Variants in MYH11 observed in about 807,000 individuals in gnomAD.
MYH11 encodes the protein myosin heavy chain 11.
In MYH11, 80 loss-of-function variants were observed where a neutral mutation model predicts 246.6. That is an observed-to-expected ratio of 0.32 (90% CI 0.27 to 0.39). The LOEUF is 0.39. Ranked by LOEUF, MYH11 falls within the 10% of genes least tolerant of loss-of-function variation. The pLI is 1.00. For synonymous variants in MYH11, 1,071 were observed against 1,015.5 expected, an observed-to-expected ratio of 1.05 and a Z score of -1.04; for missense variants, 2,158 against 2,546.8, an observed-to-expected ratio of 0.85 and a Z score of 3.29.
chr16:15,800,152 G>C (rs2042846696), intron 3 of MYH11, among the ~76,000 whole-genome samples: 1 of 151,392 alleles, frequency 6.6e-6, no homozygotes, highest in Admixed American at 6.6e-5. Context: ...AGATGGATGG[G>C]AGGATGGAAG....
chr16:15,716,059 C>T (rs1423114661), intron 38 of MYH11, among the ~76,000 whole-genome samples: 1 of 152,032 alleles, frequency 6.6e-6, no homozygotes, highest in African/African-American at 2.4e-5. Flanking sequence ...TGAGATCGCA[C>T]CACTGCACAC....
intron 3 of MYH11, among the ~76,000 whole-genome samples, chr16:15,799,850 A>G (rs996923949): frequency 6.6e-6 from 1 of 152,194 alleles, no homozygotes; most frequent in Admixed American, 6.5e-5. Context: ...TTGGTTTTAC[A>G]TTGTATCTCT....
In MYH11 at chr16:15,838,102, T is replaced by C. The variant is rs2043951986; in HGVS notation, c.151A>G (p.Lys51Glu). The change falls in exon 2 of 41, where the codon AAG (lysine) becomes GAG (glutamate). Residue 51 changes from lysine (K) to glutamate (E), a missense_variant. Around this residue, in one of 11 missense-constraint regions of MYH11, gnomAD observed 96 missense variants for 91.9 expected, o/e 1.04. Coordinates refer to ENST00000300036, the MANE Select transcript of MYH11 (RefSeq NM_002474.3). Reference protein sequence around the residue: ...EKQGFEAASIKEEKGDEVVVE... With the variant: ...EKQGFEAASIEEEKGDEVVVE... ...ACCACCTCATCCCCCTTCTCCTCCTTAATGCTGGCTGCCTCGAAGCCCTGC... is the reference window on the plus strand; with the variant it reads ...ACCACCTCATCCCCCTTCTCCTCCTCAATGCTGGCTGCCTCGAAGCCCTGC... 1.9e-6 allele frequency: 3 copies of C among 1,614,050 alleles called. No individual in the cohort carries two copies. Among genetic ancestry groups the C allele is most frequent in the Admixed American group, 1.7e-5 (1 of 60,002 alleles).
intron 6 of MYH11, among the ~76,000 whole-genome samples, chr16:15,781,694 G>A: frequency 6.6e-6 from 1 of 152,190 alleles, no homozygotes; most frequent in South Asian, 2.1e-4. Context: ...GAGTGTGCAT[G>A]GGAAGGTAGT....
chr16:15,719,367 T>C (rs2040345392), intron 35 of MYH11, 59 bp from the exon 36 acceptor site: 1 of 1,572,050 alleles, frequency 6.4e-7, no homozygotes, highest in African/African-American at 1.4e-5. Context: ...CCACCAAGAG[T>C]CCACCCTGAC....
rs1180951826 is a variant in MYH11, at chr16:15,703,963, G to C, written c.*28C>G. Reference sequence around the variant, plus strand: ...GTTTGTTTTGGTTTTTGGTTTTCTTGCCGTGGTGCAAAACTGTAGAAAGTT... The same window carrying C: ...GTTTGTTTTGGTTTTTGGTTTTCTTCCCGTGGTGCAAAACTGTAGAAAGTT... On this transcript the variant is annotated 3_prime_UTR_variant, in exon 41 of 41. Transcript: ENST00000300036. The C allele has an allele frequency of 1.2e-6, 2 of 1,613,400 alleles. No homozygotes were observed. Among genetic ancestry groups the C allele is most frequent in the Non-Finnish European group, 1.7e-6 (2 of 1,179,714 alleles).
chr16:15,798,314 GT>G (rs2042792189), intron 4 of MYH11, among the ~76,000 whole-genome samples: 1 of 152,162 alleles, frequency 6.6e-6, no homozygotes, highest in African/African-American at 2.4e-5. Flanking sequence ...ACAGATGGCT[GT>G]TATGCAATTA....
chr16:15,716,205 T>C (rs779343123), intron 38 of MYH11, among the ~76,000 whole-genome samples: 3 of 152,134 alleles, frequency 2.0e-5, no homozygotes, highest in Admixed American at 6.6e-5. Flanking sequence ...AGTGCCGGGA[T>C]TATGGGCATG....
chr16:15,829,316 C>T (rs760849161), intron 2 of MYH11, among the ~76,000 whole-genome samples: 15 of 152,192 alleles, frequency 9.9e-5, no homozygotes, highest in South Asian at 8.3e-4. Context: ...CTCCCAGTGC[C>T]GTGCACACAA....
intron 6 of MYH11, among the ~76,000 whole-genome samples, chr16:15,779,857 G>C (rs922504757): frequency 6.6e-6 from 1 of 152,238 alleles, no homozygotes; most frequent in African/African-American, 2.4e-5. Context: ...CAACAGGTGA[G>C]ACAGGATTTC....
intron 3 of MYH11, among the ~76,000 whole-genome samples, chr16:15,802,444 T>C (rs937977296): frequency 1.3e-5 from 2 of 152,244 alleles, no homozygotes; most frequent in African/African-American, 4.8e-5. Flanking sequence ...CAGACTGCGA[T>C]GTTATTGACT....
chr16:15,822,000 C>T (rs1201473486), intron 3 of MYH11, among the ~76,000 whole-genome samples: 2 of 152,178 alleles, frequency 1.3e-5, no homozygotes, highest in Admixed American at 6.5e-5. Flanking sequence ...CCAAGATTGC[C>T]TTTGCAAGGC....
chr16:15,813,957 C>G (rs187281196), intron 3 of MYH11, among the ~76,000 whole-genome samples: 2 of 150,914 alleles, frequency 1.3e-5, no homozygotes, highest in Non-Finnish European at 3.0e-5. Flanking sequence ...GAGCTCGAGA[C>G]GAGCCTGGCC....
rs151226785 is a variant in MYH11 at position 15,819,662 on chromosome 16, A to G, written c.502+3593T>C. On this transcript the variant is annotated intron_variant, in intron 3 of 40. Coordinates refer to ENST00000300036, the MANE Select transcript of MYH11 (RefSeq NM_002474.3). ...CTCCCACTGATTCTACATGATGGTGAGTTGTATAATGATTTCATTATATAT... is the reference window on the plus strand; with the variant it reads ...CTCCCACTGATTCTACATGATGGTGGGTTGTATAATGATTTCATTATATAT... 1.8e-3 allele frequency among the ~76,000 whole-genome samples: 273 copies of G among 152,320 alleles called. 1 individual carries two copies. Among genetic ancestry groups the G allele is most frequent in the Middle Eastern group, 0.014 (4 of 294 alleles).
intron 9 of MYH11, among the ~76,000 whole-genome samples, chr16:15,769,605 TA>T (rs1201615825): frequency 6.6e-6 from 1 of 152,162 alleles, no homozygotes; most frequent in Non-Finnish European, 1.5e-5. Flanking sequence ...TTTTTTGTAT[TA>T]TTTGTAGAGA....
In MYH11 at chr16:15,757,857, T is replaced by C. The variant is rs748753979; in HGVS notation, c.1545A>G (p.Leu515=). ...EWNFIDFGLD[L]QPCIELIERP... ...GCTCGATGAGCTCGATGCAGGGCTG[T>C]AGGTCCAGCCCAAAGTCGATGAAGT... The change falls in exon 13 of 41, where the codon CTA becomes CTG. Residue 515 remains leucine (L), a synonymous_variant. Transcript: ENST00000300036. 6.2e-7 allele frequency: 1 copy of C among 1,614,182 alleles called. No homozygotes were observed. Among genetic ancestry groups the C allele is most frequent in the South Asian group, 1.1e-5 (1 of 91,084 alleles).
chr16:15,842,028 T>A (rs1596944211), intron 1 of MYH11, among the ~76,000 whole-genome samples: 1 of 152,182 alleles, frequency 6.6e-6, no homozygotes, highest in South Asian at 2.1e-4. Context: ...AGAATGGGAG[T>A]GGCAGATATT....
In MYH11 at chr16:15,726,885, G is replaced by C. The variant is rs1060500723; in HGVS notation, c.3821C>G (p.Ala1274Gly). Residue 1274 changes from alanine to glycine, a missense_variant, in exon 28 of 41, where the codon GCC becomes GGC. By Grantham distance (60) the Ala-to-Gly change is moderately conservative. Around this residue, in one of 11 missense-constraint regions of MYH11, gnomAD observed 1,013 missense variants for 993.5 expected, o/e 1.02. Coordinates refer to ENST00000300036, the MANE Select transcript of MYH11 (RefSeq NM_002474.3). The stretch of plus-strand genomic sequence containing the variant: ...GACTTTGTCATTGAGCTCCGCCCGG[G>C]CCCGCTCCCCATCGCTGCACTTGGA... ...LQSKCSDGER[A>G]RAELNDKVHK... The C allele has an allele frequency of 1.2e-6, 2 of 1,612,244 alleles. No homozygotes were observed. The highest frequency in any genetic ancestry group is 4.5e-5 in the East Asian group (2 of 44,826).
intron 3 of MYH11, among the ~76,000 whole-genome samples, chr16:15,820,767 T>C (rs2043389679): frequency 6.6e-6 from 1 of 152,226 alleles, no homozygotes; most frequent in Admixed American, 6.5e-5. Context: ...CCACTCTTAA[T>C]TCATTTTATA....
Sources: gnomAD v4.1 joint callset for allele counts (sites outside exome capture counted in the v4.1 genomes callset) on GRCh38, gnomAD v4.1.1 for gene constraint, gnomAD v4.1.1 regional missense constraint, MANE v1.5 for transcripts, NCBI Gene and HGNC (gene_info 2026-07-23, HGNC 2026-07-21) for gene names.